The following CTPS1 variants were observed in gnomAD, a reference collection of about 807,000 sequenced individuals.
CTPS1 encodes CTP synthetase 1.
In CTPS1, 25 loss-of-function variants were observed where a neutral mutation model predicts 80.5. That is an observed-to-expected ratio of 0.31 (90% CI 0.23 to 0.43). The LOEUF (loss-of-function observed/expected upper bound fraction) is 0.43. CTPS1 is among the 20% of genes least tolerant of loss of function. The probability of loss-of-function intolerance (pLI) is 1.00; values close to 1 mark genes in which losing one functional copy is unlikely to be tolerated. For missense variants in CTPS1, 442 were observed against 725.7 expected, an observed-to-expected ratio of 0.61 and a Z score of 4.49; for synonymous variants, 267 against 252.5, an observed-to-expected ratio of 1.06 and a Z score of -0.54.
chr1:40,986,354 C>T (rs1642453189), intron 3 of CTPS1, among the ~76,000 whole-genome samples: 1 of 152,118 alleles, frequency 6.6e-6, no homozygotes, highest in Non-Finnish European at 1.5e-5. Context: ...GGAGGGGAGG[C>T]CGGCATAGCT....
At chr1:40,993,226 T>G (rs1642662060) in intron 7 of CTPS1, among the ~76,000 whole-genome samples, 2 of 151,952 alleles carry the variant, frequency 1.3e-5, no homozygotes, top group South Asian at 4.2e-4. Context: ...AATTTTTGTA[T>G]TTTTAGTAGA....
At chr1:40,992,391 C>T (rs1399280192) in intron 7 of CTPS1, among the ~76,000 whole-genome samples, 1 of 152,132 alleles carries the variant, frequency 6.6e-6, no homozygotes, top group Non-Finnish European at 1.5e-5. Context: ...CCTTCACAGA[C>T]TCTAAGCTTC....
At chr1:41,008,386 G>T (rs1643087642) in intron 14 of CTPS1, among the ~76,000 whole-genome samples, 1 of 152,206 alleles carries the variant, frequency 6.6e-6, no homozygotes, top group Non-Finnish European at 1.5e-5. Context: ...TAGCAGCAAA[G>T]TGCCCATACT....
rs1643067157 is a variant in CTPS1 at position 41,007,614 on chromosome 1, C to G, written c.1393+69C>G. The G allele has an allele frequency of 7.4e-7, 1 of 1,355,376 alleles. No individual in the cohort carries two copies. The highest frequency in any genetic ancestry group is 1.0e-6 in the Non-Finnish European group (1 of 955,212). The allele number at this position is 1,355,376 out of a possible 1,614,324, so 84.0% of individuals were successfully genotyped here. On this transcript the variant is annotated intron_variant, in intron 14 of 18. Transcript: ENST00000650070. This position sits in a 1 kb window ranked among gnomAD's most constrained non-coding sequence, Gnocchi z 4.4. Reference sequence around the variant, plus strand: ...CCAGGACGCGTGTCTTAGGGTGATGCTGTGGCTTCGAGGAGCAGGCTGGCT... The same window carrying G: ...CCAGGACGCGTGTCTTAGGGTGATGGTGTGGCTTCGAGGAGCAGGCTGGCT...
chr1:40,997,430 T>C lies in CTPS1; in HGVS notation c.909T>C (p.Leu303=). 1 of 1,614,122 alleles carries C rather than the reference T, an allele frequency of 6.2e-7. No individual in the cohort carries two copies. Among genetic ancestry groups the C allele is most frequent in the South Asian group, 1.1e-5 (1 of 91,070 alleles). The change falls in exon 9 of 19, where the codon CTT becomes CTC. Residue 303 remains leucine, a synonymous_variant. Transcript: ENST00000650070. ...TGCTGGAGACCTGCTCTATTGCCCT[T>C]GTGGGCAAATACACGAAGTTCTCAG... ...DRLLETCSIA[L]VGKYTKFSDS...
rs182091783 is a variant in CTPS1 at position 41,006,286 on chromosome 1, T to C, written c.1296+192T>C. Among the ~76,000 whole-genome samples the C allele has an allele frequency of 4.6e-5, 7 of 152,292 alleles. No homozygotes were observed. The East Asian group carries it at 1.2e-3, about 25-fold the overall frequency. ...CATTATGTAATTCCTCCCTAATCTT[T>C]CATTGACCACAGAAAGTTTTTAAGA... On this transcript the variant is annotated intron_variant, in intron 13 of 18. Transcript: ENST00000650070.
chr1:41,008,290 G>A (rs987512518), intron 14 of CTPS1, among the ~76,000 whole-genome samples: 3 of 152,326 alleles, frequency 2.0e-5, no homozygotes, highest in Admixed American at 2.0e-4. Flanking sequence ...GGTCATCTGT[G>A]CAGCTCTTAA....
chr1:41,010,639 TG>T (rs760511178), intron 18 of CTPS1, among the ~76,000 whole-genome samples: 10 of 152,166 alleles, frequency 6.6e-5, no homozygotes, highest in Non-Finnish European at 1.3e-4. Context: ...TTGGAGATCT[TG>T]AAGGAAGGGA....
chr1:41,002,178 A>C lies in CTPS1; in HGVS notation c.1113A>C (p.Gly371=). The part of the protein sequence containing the change: ...LCSAHGVLVP[G]GFGVRGTEGK... ...TGTGCAGTGGAGTGCTGGTTCCAGGAGGATTTGGTGTTCGAGGAACAGAAG... is the reference window on the plus strand; with the variant it reads ...TGTGCAGTGGAGTGCTGGTTCCAGGCGGATTTGGTGTTCGAGGAACAGAAG... The change falls in exon 11 of 19, where the codon GGA becomes GGC. Residue 371 remains glycine (G), a synonymous_variant. Transcript: ENST00000650070. The C allele has an allele frequency of 1.9e-6, 3 of 1,614,186 alleles. No individual in the cohort carries two copies. The highest frequency in any genetic ancestry group is 1.7e-6 in the Non-Finnish European group (2 of 1,180,034).
At chr1:40,984,268 T>C (rs1465820157) in intron 2 of CTPS1, among the ~76,000 whole-genome samples, 1 of 152,226 alleles carries the variant, frequency 6.6e-6, no homozygotes, top group Non-Finnish European at 1.5e-5. Context: ...GAATGAATCA[T>C]TCTGGGCAAA....
rs1285917969 is a variant in CTPS1, at chr1:40,987,934, A to C, written c.438+462A>C. Among the ~76,000 whole-genome samples, 4 of 151,944 alleles carry C rather than the reference A, an allele frequency of 2.6e-5. No individual in the cohort carries two copies. In the East Asian group the frequency reaches 7.7e-4, roughly 29 times the overall value. ...TTATAACTAATACTTTTTTTTTGAG[A>C]CAGGGTCTCACTCTGTCACCCAGGC... On this transcript the variant is annotated intron_variant, in intron 4 of 18. Coordinates refer to ENST00000650070, the MANE Select transcript of CTPS1 (RefSeq NM_001905.4).
Position 41,012,265 on chromosome 1 carries a change from C to T in CTPS1, c.*617C>T, listed in dbSNP as rs915488480. On this transcript the variant is annotated 3_prime_UTR_variant, in exon 19 of 19. Transcript: ENST00000650070. Reference sequence around the variant, plus strand: ...GTCTCTGAAGCGTGATTTTAAAATCCCCATGCCTGTGGCTGCGCTTCCTAT... The same window carrying T: ...GTCTCTGAAGCGTGATTTTAAAATCTCCATGCCTGTGGCTGCGCTTCCTAT... The T allele has an allele frequency of 2.6e-5, 4 of 152,068 alleles. No homozygotes were observed. Among genetic ancestry groups the T allele is most frequent in the Non-Finnish European group, 5.9e-5 (4 of 68,016 alleles). 9.4% of individuals were successfully genotyped at this position (152,068 alleles called of 1,614,324 possible).
intron 9 of CTPS1, 67 bp downstream of exon 9, chr1:40,997,593 T>C: frequency 6.5e-7 from 1 of 1,538,324 alleles, no homozygotes; most frequent in Admixed American, 2.0e-5. Flanking sequence ...TCGTAGGTGC[T>C]GTGTCATATC....
chr1:40,994,127 G>C (rs536139625), intron 7 of CTPS1, among the ~76,000 whole-genome samples: 5 of 152,098 alleles, frequency 3.3e-5, no homozygotes, highest in Non-Finnish European at 7.4e-5. Context: ...TTTAAATTTC[G>C]ATGAAGTCCA....
intron 12 of CTPS1, among the ~76,000 whole-genome samples, 195 bp from the exon 13 acceptor site, chr1:41,005,856 A>G (rs541433347): frequency 6.6e-6 from 1 of 152,270 alleles, no homozygotes; most frequent in South Asian, 2.1e-4. Context: ...GTGAGCTATG[A>G]TCGCACCACT....
intron 13 of CTPS1, 94 bp downstream of exon 13, chr1:41,006,188 G>A (rs1643029275): frequency 1.9e-6 from 2 of 1,058,956 alleles, no homozygotes; most frequent in Non-Finnish European, 2.9e-6. Flanking sequence ...AAGTGAGACT[G>A]CTTGAGTCCA....
At chr1:40,982,762 T>C (rs1238478635) in intron 1 of CTPS1, among the ~76,000 whole-genome samples, 1 of 152,244 alleles carries the variant, frequency 6.6e-6, no homozygotes, top group East Asian at 1.9e-4. Context: ...TCTTTCCTTT[T>C]AGTCTATCTT....
At chr1:41,002,805 C>T (rs1275652747) in intron 11 of CTPS1, among the ~76,000 whole-genome samples, 4 of 152,126 alleles carry the variant, frequency 2.6e-5, no homozygotes, top group Non-Finnish European at 5.9e-5. Context: ...AAGATCTCTC[C>T]ACTGCACTCC....
At chr1:40,992,256 C>T (rs751666846) in intron 7 of CTPS1, among the ~76,000 whole-genome samples, 3 of 152,232 alleles carry the variant, frequency 2.0e-5, no homozygotes, top group Non-Finnish European at 4.4e-5. Context: ...TGCCAAACCT[C>T]CTGGCCCTTG....
Sources: allele counts gnomAD v4.1 joint callset (sites outside exome capture counted in the v4.1 genomes callset), GRCh38; gene constraint gnomAD v4.1.1; non-coding constraint Gnocchi (gnomAD v3.1); transcripts MANE v1.5; gene names NCBI Gene and HGNC (gene_info 2026-07-23, HGNC 2026-07-21).